The following TMTC2 variants were observed in gnomAD, a reference collection of about 807,000 sequenced individuals.
TMTC2 encodes protein O-mannosyl-transferase TMTC2.
A neutral mutation model predicts 82.4 loss-of-function variants in TMTC2; 43 were observed. That is an observed-to-expected ratio of 0.52 (90% CI 0.41 to 0.67). TMTC2 has a LOEUF of 0.67. Among genes scored for constraint, TMTC2 ranks in the 30% least tolerant of loss-of-function variants. TMTC2 has a pLI of 0.00. For synonymous variants in TMTC2, 408 were observed against 381.9 expected (o/e 1.07, Z -0.80); for missense variants, 919 against 1,012.4 (o/e 0.91, Z 1.25).
chr12:83,067,195 A>G (rs989012349), intron 11 of TMTC2, among the ~76,000 whole-genome samples: 10 of 151,962 alleles, frequency 6.6e-5, no homozygotes, highest in African/African-American at 2.2e-4. Context: ...AAATCCATCA[A>G]CTTCTGAGAG....
intron 7 of TMTC2, among the ~76,000 whole-genome samples, chr12:82,970,625 G>A (rs528706151): frequency 6.2e-4 from 95 of 152,136 alleles, no homozygotes; most frequent in Non-Finnish European, 1.2e-3. Flanking sequence ...GAGCCACCGC[G>A]CCCGGCCTCC....
chr12:83,031,011 A>G (rs968016582), intron 9 of TMTC2, 132 bp downstream of exon 9: 29 of 627,354 alleles, frequency 4.6e-5, no homozygotes, highest in South Asian at 3.8e-4. Context: ...GCCTCATGCT[A>G]TATTCCTACC....
At chr12:82,816,887 G>A (rs1868765358) in intron 1 of TMTC2, among the ~76,000 whole-genome samples, 1 of 151,928 alleles carries the variant, frequency 6.6e-6, no homozygotes. Flanking sequence ...AATAGTTTAG[G>A]CTGAATTGGT....
chr12:82,958,354 C>CAAAAAA (rs750819932), intron 4 of TMTC2, among the ~76,000 whole-genome samples: 8 of 19,950 alleles, frequency 4.0e-4, no homozygotes, highest in African/African-American at 1.9e-3. Flanking sequence ...GAGTCTGTCT[C>CAAAAAA]AAAAAAAAAA....
intron 1 of TMTC2, among the ~76,000 whole-genome samples, chr12:82,784,268 A>C (rs1408627993): frequency 1.3e-5 from 2 of 152,086 alleles, no homozygotes; most frequent in Non-Finnish European, 2.9e-5. Flanking sequence ...TATTTTGTGC[A>C]ACTCTTTCCT....
intron 7 of TMTC2, among the ~76,000 whole-genome samples, chr12:82,970,477 G>A (rs1020188655): frequency 1.3e-5 from 2 of 148,918 alleles, no homozygotes; most frequent in Non-Finnish European, 3.0e-5. Flanking sequence ...GACTACAGGC[G>A]CCCGCCACCG....
intron 1 of TMTC2, among the ~76,000 whole-genome samples, chr12:82,718,536 G>C (rs1047853324): frequency 2.0e-5 from 3 of 152,162 alleles, no homozygotes; most frequent in African/African-American, 7.2e-5. Flanking sequence ...CTGGGCCCCT[G>C]TGCCCTGGTG....
At chr12:82,883,458 C>T (rs553482514) in intron 2 of TMTC2, among the ~76,000 whole-genome samples, 33 of 152,266 alleles carry the variant, frequency 2.2e-4, no homozygotes, top group African/African-American at 7.9e-4. Flanking sequence ...CTCCCACACT[C>T]ATTAAATAGC....
chr12:82,751,502 C>T (rs1208215937), intron 1 of TMTC2, among the ~76,000 whole-genome samples: 1 of 151,814 alleles, frequency 6.6e-6, no homozygotes, highest in East Asian at 1.9e-4. Flanking sequence ...CAAACCTGCA[C>T]ATGGTGCACA....
intron 1 of TMTC2, among the ~76,000 whole-genome samples, chr12:82,804,805 C>G (rs531747528): frequency 2.2e-4 from 34 of 152,200 alleles, no homozygotes; most frequent in African/African-American, 7.5e-4. Context: ...CTTTCCATCA[C>G]AACCATTAGC....
At chr12:83,102,653 G>A (rs1884258871) in intron 11 of TMTC2, among the ~76,000 whole-genome samples, 1 of 152,204 alleles carries the variant, frequency 6.6e-6, no homozygotes, top group South Asian at 2.1e-4. Flanking sequence ...TCCAACCGTG[G>A]ATAGCATTCC....
At chr12:82,918,052 C>T (rs1451281895) in intron 3 of TMTC2, among the ~76,000 whole-genome samples, 2 of 152,124 alleles carry the variant, frequency 1.3e-5, no homozygotes, top group East Asian at 3.9e-4. Flanking sequence ...TCCCTCACCC[C>T]AGCCTACAGC....
At chr12:82,729,960 T>C (rs4630355) in intron 1 of TMTC2, among the ~76,000 whole-genome samples, 150,273 of 151,976 alleles carry the variant, frequency 0.99, 74,314 homozygotes, top group Middle Eastern at 1. Flanking sequence ...CTGTAACACT[T>C]ATCGGGAAGG....
intron 1 of TMTC2, among the ~76,000 whole-genome samples, chr12:82,726,237 C>A (rs1241856539): frequency 6.6e-6 from 1 of 151,990 alleles, no homozygotes; most frequent in Non-Finnish European, 1.5e-5. Flanking sequence ...CTCCCTAGAC[C>A]CCTCAGATAG....
At chr12:83,063,631 A>G (rs185910569) in intron 11 of TMTC2, among the ~76,000 whole-genome samples, 102 of 152,046 alleles carry the variant, frequency 6.7e-4, no homozygotes, top group Non-Finnish European at 1.2e-3. Context: ...GTCACTGAAT[A>G]CATAAGAGAA....
At chr12:82,982,711 G>A (rs1258159451) in intron 7 of TMTC2, among the ~76,000 whole-genome samples, 2 of 151,946 alleles carry the variant, frequency 1.3e-5, no homozygotes, top group East Asian at 3.9e-4. Context: ...TGGATCACAA[G>A]CTAGAAAATG....
rs117338459 is a variant in TMTC2 at position 83,113,707 on chromosome 12, C to A, written c.2332-18503C>A. Among the ~76,000 whole-genome samples the A allele has an allele frequency of 6.6e-5, 10 of 152,306 alleles. No homozygotes were observed. The East Asian group carries it at 1.9e-3, about 29-fold the overall frequency. ...ATTATTATGTGTGAAGACCTCGCAT[C>A]ATTATTTTTCCAGGCATGTATCAAC... On this transcript the variant is annotated intron_variant, in intron 11 of 11. Transcript: ENST00000321196.
intron 1 of TMTC2, among the ~76,000 whole-genome samples, chr12:82,725,302 A>G (rs147682436): frequency 2.3e-3 from 353 of 152,086 alleles, no homozygotes; most frequent in African/African-American, 8.2e-3. Context: ...ACTTTTCTAG[A>G]CTTATTTTAT....
At chr12:83,122,183 T>C (rs996290770) in intron 11 of TMTC2, among the ~76,000 whole-genome samples, 2 of 151,224 alleles carry the variant, frequency 1.3e-5, no homozygotes, top group Non-Finnish European at 3.0e-5. Flanking sequence ...AAAGCAAGTT[T>C]CGCCGAGTCT....
Sources: gnomAD v4.1 joint callset for allele counts (sites outside exome capture counted in the v4.1 genomes callset) on GRCh38, gnomAD v4.1.1 for gene constraint, MANE v1.5 for transcripts, NCBI Gene and HGNC (gene_info 2026-07-23, HGNC 2026-07-21) for gene names.